FRMD4B: variants seen among roughly 807,000 people sequenced by gnomAD.
The protein encoded by FRMD4B is FERM domain containing 4B.
FRMD4B carries 74 observed loss-of-function variants against 141.5 expected under a neutral mutation model. The observed-to-expected ratio is 0.52, with a 90% CI of 0.43 to 0.63. The LOEUF (loss-of-function observed/expected upper bound fraction) is 0.63, where lower values mean the gene tolerates loss of function less well. Among genes scored for constraint, FRMD4B ranks in the 30% least tolerant of loss-of-function variants. The pLI is 0.00. For synonymous variants in FRMD4B, 506 were observed against 467.9 expected, an observed-to-expected ratio of 1.08 and a Z score of -1.05; for missense variants, 1,366 against 1,253.4, an observed-to-expected ratio of 1.09 and a Z score of -1.36.
intron 2 of FRMD4B, among the ~76,000 whole-genome samples, chr3:69,403,038 A>C (rs1575789418): frequency 6.6e-6 from 1 of 152,226 alleles, no homozygotes; most frequent in African/African-American, 2.4e-5. Context: ...ATATGCCAGC[A>C]GTAGCTAGAT....
chr3:69,502,144 C>T (rs955689977), intron 1 of FRMD4B, among the ~76,000 whole-genome samples: 4 of 152,144 alleles, frequency 2.6e-5, no homozygotes, highest in African/African-American at 7.2e-5. Flanking sequence ...CCCCATCAAG[C>T]TACCAATGAC....
chr3:69,325,085 A>AAAAAAAGAAAG lies in FRMD4B; in HGVS notation c.163-11569_163-11568insCTTTCTTTTTT, dbSNP rs1702145477. The stretch of plus-strand genomic sequence containing the variant: ...CAGTGAGATACTGTCTAAAAAAAAA[A>AAAAAAAGAAAG]AAAGAAAGAAAGAAAGAAAGAAAGA... On this transcript the variant is annotated intron_variant, in intron 1 of 22. Transcript: ENST00000398540. Among the ~76,000 whole-genome samples the AAAAAAAGAAAG allele has an allele frequency of 5.0e-5, 4 of 79,996 alleles. No homozygotes were observed. The South Asian group carries it at 1.6e-3, about 33-fold the overall frequency. 52.5% of individuals were successfully genotyped at this position (79,996 alleles called of 152,430 possible).
chr3:69,283,975 C>CAAA (rs544611686), intron 5 of FRMD4B, among the ~76,000 whole-genome samples: 19,057 of 147,198 alleles, frequency 0.13, 1,666 homozygotes, highest in East Asian at 0.44. Context: ...CAAAACAAAA[C>CAAA]AAAAAAAACA....
chr3:69,299,039 A>C (rs1411953157), intron 4 of FRMD4B, among the ~76,000 whole-genome samples: 1 of 152,092 alleles, frequency 6.6e-6, no homozygotes, highest in Non-Finnish European at 1.5e-5. Flanking sequence ...TTATTATATA[A>C]TGAATGCATT....
chr3:69,500,575 A>G (rs1706476923), intron 1 of FRMD4B, among the ~76,000 whole-genome samples: 1 of 152,142 alleles, frequency 6.6e-6, no homozygotes, highest in African/African-American at 2.4e-5. Flanking sequence ...AATGGGAGCC[A>G]CCTAAAAGGC....
intron 21 of FRMD4B, among the ~76,000 whole-genome samples, chr3:69,179,406 G>A (rs952251219): frequency 5.3e-4 from 81 of 152,252 alleles, no homozygotes; most frequent in African/African-American, 1.9e-3. Context: ...TTTGACCTGT[G>A]AAAGTTTCTC....
At chr3:69,538,882 T>C (rs1442035596) in intron 1 of FRMD4B, among the ~76,000 whole-genome samples, 1 of 152,178 alleles carries the variant, frequency 6.6e-6, no homozygotes, top group Non-Finnish European at 1.5e-5. Flanking sequence ...AAGTCTTCCA[T>C]CTAAAACAAA....
At chr3:69,214,395 T>C (rs988965547) in intron 11 of FRMD4B, among the ~76,000 whole-genome samples, 1 of 152,308 alleles carries the variant, frequency 6.6e-6, no homozygotes, top group Admixed American at 6.5e-5. Context: ...GTGCTTTCAG[T>C]GATGGCAGGA....
intron 21 of FRMD4B, among the ~76,000 whole-genome samples, chr3:69,180,252 A>C (rs1487222182): frequency 1.5e-4 from 1 of 6,688 alleles, no homozygotes. Flanking sequence ...TCTACAAAAA[A>C]AAAAAAAAAA....
intron 1 of FRMD4B, among the ~76,000 whole-genome samples, chr3:69,362,249 A>G (rs1379786020): frequency 6.6e-6 from 1 of 152,154 alleles, no homozygotes; most frequent in Non-Finnish European, 1.5e-5. Context: ...TACAGATGAG[A>G]ACACTGAGGC....
chr3:69,410,726 A>AATATATATATATATATATAT (rs767608068), intron 2 of FRMD4B, among the ~76,000 whole-genome samples: 1 of 86,344 alleles, frequency 1.2e-5, no homozygotes, highest in Non-Finnish European at 2.4e-5. Context: ...TAAATAAATA[A>AATATATATATATATATATAT]ATATATATAT....
intron 1 of FRMD4B, among the ~76,000 whole-genome samples, chr3:69,470,999 A>AT (rs1482582218): frequency 2.0e-5 from 3 of 152,254 alleles, no homozygotes; most frequent in African/African-American, 7.2e-5. Context: ...TTCCTAAGTG[A>AT]TTTTTGCCAA....
intron 5 of FRMD4B, among the ~76,000 whole-genome samples, chr3:69,280,102 G>T (rs2093637865): frequency 6.6e-6 from 1 of 152,074 alleles, no homozygotes; most frequent in Non-Finnish European, 1.5e-5. Flanking sequence ...CTACAGTCCT[G>T]CTTCATGCAT....
At chr3:69,438,149 G>A (rs987477986) in intron 1 of FRMD4B, among the ~76,000 whole-genome samples, 6 of 150,412 alleles carry the variant, frequency 4.0e-5, no homozygotes. Flanking sequence ...TGTCACCCAG[G>A]CTGGAGTGTA....
intron 1 of FRMD4B, chr3:69,472,099 A>C (rs1705902711): frequency 5.4e-6 from 1 of 185,864 alleles, no homozygotes; most frequent in Non-Finnish European, 1.2e-5. Flanking sequence ...ACTAGCTTCC[A>C]AAGGACTAAA....
chr3:69,479,431 G>C (rs1311481390), intron 1 of FRMD4B, among the ~76,000 whole-genome samples: 1 of 152,154 alleles, frequency 6.6e-6, no homozygotes, highest in East Asian at 1.9e-4. Context: ...GCATTTGCTT[G>C]TCTGTAAAGG....
At chr3:69,414,759 C>T (rs996128706) in intron 2 of FRMD4B, among the ~76,000 whole-genome samples, 1 of 152,184 alleles carries the variant, frequency 6.6e-6, no homozygotes, top group Non-Finnish European at 1.5e-5. Flanking sequence ...TAGGGCGTAC[C>T]CAGAAGTGCA....
intron 4 of FRMD4B, among the ~76,000 whole-genome samples, chr3:69,297,767 T>C (rs1284647528): frequency 6.6e-6 from 1 of 152,182 alleles, no homozygotes; most frequent in Non-Finnish European, 1.5e-5. Flanking sequence ...ACCCCCAGCC[T>C]GGGGAAGTCC....
chr3:69,496,715 A>G (rs996909930), intron 1 of FRMD4B, among the ~76,000 whole-genome samples: 2 of 150,796 alleles, frequency 1.3e-5, no homozygotes, highest in Middle Eastern at 3.4e-3. Flanking sequence ...TGATGACATC[A>G]TGAGTGTCCA....
Sources: gnomAD v4.1 joint callset for allele counts (sites outside exome capture counted in the v4.1 genomes callset) on GRCh38, gnomAD v4.1.1 for gene constraint, MANE v1.5 for transcripts, NCBI Gene and HGNC (gene_info 2026-07-23, HGNC 2026-07-21) for gene names.